PPFIA2: variants seen among roughly 807,000 people sequenced by gnomAD.
PPFIA2 encodes PPFI scaffold protein A2.
A neutral mutation model predicts 175.5 loss-of-function variants in PPFIA2; 46 were observed. The observed-to-expected ratio is 0.26, with a 90% CI of 0.21 to 0.34. The LOEUF is 0.34. Among genes scored for constraint, PPFIA2 ranks in the 10% least tolerant of loss-of-function variants. The pLI, the probability that PPFIA2 is intolerant of heterozygous loss-of-function variation, is 1.00. For missense variants in PPFIA2, 1,179 were observed against 1,506.1 expected (o/e 0.78, Z 3.60); for synonymous variants, 568 against 511.4 (o/e 1.11, Z -1.49).
At chr12:81,341,640 T>C (rs1238691893) in intron 19 of PPFIA2, among the ~76,000 whole-genome samples, 1 of 152,132 alleles carries the variant, frequency 6.6e-6, no homozygotes, top group Non-Finnish European at 1.5e-5. Context: ...CCAAGACAAT[T>C]CTTCTTCTAA....
intron 3 of PPFIA2, among the ~76,000 whole-genome samples, chr12:81,720,968 AC>A (rs2079241615): frequency 6.6e-6 from 1 of 151,242 alleles, no homozygotes; most frequent in African/African-American, 2.4e-5. Context: ...GTTTCTAATA[AC>A]AAATCAGTTA....
intron 4 of PPFIA2, among the ~76,000 whole-genome samples, chr12:81,549,056 C>G (rs1310366994): frequency 6.6e-6 from 1 of 152,040 alleles, no homozygotes; most frequent in Non-Finnish European, 1.5e-5. Flanking sequence ...AAATTAATGT[C>G]TCTGAGCCAT....
At chr12:81,637,947 T>C (rs1331331709) in intron 4 of PPFIA2, among the ~76,000 whole-genome samples, 2 of 152,170 alleles carry the variant, frequency 1.3e-5, no homozygotes, top group Non-Finnish European at 2.9e-5. Flanking sequence ...GATATAATAA[T>C]AAAATACTTA....
intron 3 of PPFIA2, among the ~76,000 whole-genome samples, chr12:81,703,173 A>G (rs892338338): frequency 6.6e-6 from 1 of 152,080 alleles, no homozygotes. Context: ...CTTACTGTCA[A>G]TGAGTTTCAT....
intron 22 of PPFIA2, among the ~76,000 whole-genome samples, chr12:81,324,511 A>G (rs1167745835): frequency 1.3e-5 from 2 of 152,008 alleles, no homozygotes; most frequent in Non-Finnish European, 2.9e-5. Context: ...GATCATTTAT[A>G]TATTTTTAGA....
At chr12:81,554,629 G>T (rs904973558) in intron 4 of PPFIA2, among the ~76,000 whole-genome samples, 1 of 152,026 alleles carries the variant, frequency 6.6e-6, no homozygotes, top group Admixed American at 6.6e-5. Context: ...TATTTGAAAA[G>T]AATTGATTTT....
intron 3 of PPFIA2, among the ~76,000 whole-genome samples, chr12:81,711,850 G>A (rs2077971331): frequency 6.7e-6 from 1 of 148,864 alleles, no homozygotes; most frequent in African/African-American, 2.5e-5. Flanking sequence ...TACCTTATCA[G>A]TGCCCCAATG....
intron 4 of PPFIA2, among the ~76,000 whole-genome samples, chr12:81,495,622 T>A (rs970177145): frequency 6.6e-6 from 1 of 152,014 alleles, no homozygotes; most frequent in South Asian, 2.1e-4. Flanking sequence ...CTGGGCAACA[T>A]AGTGAAACCC....
intron 22 of PPFIA2, chr12:81,312,192 G>A (rs1282936634): frequency 2.0e-6 from 3 of 1,531,954 alleles, no homozygotes; most frequent in Non-Finnish European, 2.6e-6. Context: ...GGAGAAGGAC[G>A]GATGGAAAAG....
intron 5 of PPFIA2, 147 bp downstream of exon 5, chr12:81,457,618 C>G (rs2053817377): frequency 2.1e-6 from 1 of 483,386 alleles, no homozygotes; most frequent in South Asian, 4.1e-5. Context: ...ATAGTATATC[C>G]TCCTTTACTT....
chr12:81,308,747 T>G (rs776156791), intron 22 of PPFIA2, among the ~76,000 whole-genome samples: 1 of 152,230 alleles, frequency 6.6e-6, no homozygotes, highest in Non-Finnish European at 1.5e-5. Flanking sequence ...AAACGAACTG[T>G]GGCTTTTCTT....
intron 4 of PPFIA2, among the ~76,000 whole-genome samples, chr12:81,496,554 T>C (rs1420795190): frequency 6.6e-6 from 1 of 151,978 alleles, no homozygotes; most frequent in Non-Finnish European, 1.5e-5. Context: ...GTCAGCAAAA[T>C]GTGTTGAGGA....
At chr12:81,286,715 G>T (rs1171379342) in intron 24 of PPFIA2, among the ~76,000 whole-genome samples, 1 of 151,878 alleles carries the variant, frequency 6.6e-6, no homozygotes, top group Non-Finnish European at 1.5e-5. Flanking sequence ...AATGGAAATG[G>T]GTGGTAAAGA....
rs80221582 is a variant in PPFIA2, at chr12:81,442,809, T to C, written c.570+2747A>G. ...CTCTATGATAAAGTTGTTTGTTTCCTGTCCCCAAGGCATGGTTAATTGCAT... is the reference window on the plus strand; with the variant it reads ...CTCTATGATAAAGTTGTTTGTTTCCCGTCCCCAAGGCATGGTTAATTGCAT... On this transcript the variant is annotated intron_variant, in intron 6 of 32. Transcript: ENST00000549396. Among the ~76,000 whole-genome samples the C allele has an allele frequency of 1.8e-3, 231 of 131,014 alleles. 7 individuals are homozygous for C. In the East Asian group the frequency reaches 0.034, roughly 19 times the overall value. The allele number at this position is 131,014 out of a possible 152,430, so 86.0% of individuals were successfully genotyped here. A position where few individuals can be genotyped will look rare whatever the true frequency, so the allele number is the denominator to read the frequency against.
At chr12:81,346,336 T>C (rs919640597) in intron 18 of PPFIA2, among the ~76,000 whole-genome samples, 3 of 151,956 alleles carry the variant, frequency 2.0e-5, no homozygotes, top group African/African-American at 4.8e-5. Context: ...ACTCCATTTA[T>C]ACTCTCAAAA....
chr12:81,732,749 A>T (rs189540499), intron 3 of PPFIA2, among the ~76,000 whole-genome samples: 2 of 151,722 alleles, frequency 1.3e-5, no homozygotes, highest in South Asian at 2.1e-4. Context: ...TACATATAGT[A>T]TGCTTCTAAT....
At chr12:81,615,137 G>C (rs1457766019) in intron 4 of PPFIA2, among the ~76,000 whole-genome samples, 3 of 152,220 alleles carry the variant, frequency 2.0e-5, no homozygotes, top group African/African-American at 7.2e-5. Flanking sequence ...TTCTGAGGGA[G>C]CAAATGGATT....
chr12:81,275,887 C>A (rs955169493), intron 28 of PPFIA2, among the ~76,000 whole-genome samples: 1 of 151,688 alleles, frequency 6.6e-6, no homozygotes, highest in African/African-American at 2.4e-5. Context: ...AGGGTTCACG[C>A]CATTCTCCTG....
rs181439736 is a variant in PPFIA2, at chr12:81,314,270, A to T, written c.2642+11507T>A. Among the ~76,000 whole-genome samples the T allele has an allele frequency of 5.3e-5, 8 of 151,952 alleles. No homozygotes were observed. The East Asian group carries it at 1.5e-3, about 29-fold the overall frequency. ...TTTGCAGAGAAGTTTTTTCTGATTA[A>T]TTTTTCTTATTGTAAATATTGATAC... On this transcript the variant is annotated intron_variant, in intron 22 of 32. Transcript: ENST00000549396.
Sources: gnomAD v4.1 joint callset for allele counts (sites outside exome capture counted in the v4.1 genomes callset) on GRCh38, gnomAD v4.1.1 for gene constraint, MANE v1.5 for transcripts, NCBI Gene and HGNC (gene_info 2026-07-23, HGNC 2026-07-21) for gene names.